The following PKHD1 variants were observed in gnomAD, a reference collection of about 807,000 sequenced individuals.
The protein encoded by PKHD1 is PKHD1 ciliary IPT domain containing fibrocystin/polyductin.
In PKHD1, 291 loss-of-function variants were observed where a neutral mutation model predicts 412.0. The observed-to-expected ratio is 0.71, with a 90% CI of 0.64 to 0.78. The LOEUF (loss-of-function observed/expected upper bound fraction) is 0.78. Among genes scored for constraint, PKHD1 ranks in the 30% least tolerant of loss-of-function variants. The pLI is 0.00. For missense variants in PKHD1, 4,825 were observed against 4,950.7 expected (o/e 0.97, Z 0.76); for synonymous variants, 1,777 against 1,821.5 (o/e 0.98, Z 0.62).
chr6:52,081,963 C>T (rs967206236), intron 4 of PKHD1, among the ~76,000 whole-genome samples: 9 of 152,070 alleles, frequency 5.9e-5, no homozygotes, highest in African/African-American at 1.9e-4. Context: ...AAAATATTTT[C>T]TAAATAGAGG....
At chr6:51,636,877 T>C (rs897751318) in intron 64 of PKHD1, among the ~76,000 whole-genome samples, 7 of 152,208 alleles carry the variant, frequency 4.6e-5, no homozygotes, top group African/African-American at 1.4e-4. Context: ...TTTAAACTTT[T>C]ATAAATCTCA....
chr6:51,758,978 G>T (rs1480237976), intron 55 of PKHD1, among the ~76,000 whole-genome samples: 2 of 152,110 alleles, frequency 1.3e-5, no homozygotes, highest in Non-Finnish European at 2.9e-5. Context: ...TTTGACCACA[G>T]GCTCAGAGTG....
intron 52 of PKHD1, 112 bp downstream of exon 52, chr6:51,830,749 G>A (rs1368028902): frequency 2.9e-6 from 3 of 1,018,244 alleles, no homozygotes; most frequent in Non-Finnish European, 4.6e-6. Flanking sequence ...AACAACATAA[G>A]TGCCTACTTA....
At chr6:51,671,115 T>C (rs1393441725) in intron 60 of PKHD1, among the ~76,000 whole-genome samples, 2 of 152,196 alleles carry the variant, frequency 1.3e-5, no homozygotes, top group Non-Finnish European at 2.9e-5. Context: ...ATTGGGGAAG[T>C]TCTCCTGGAT....
At chr6:51,689,643 A>G (rs564079468) in intron 60 of PKHD1, among the ~76,000 whole-genome samples, 1 of 152,370 alleles carries the variant, frequency 6.6e-6, no homozygotes, top group East Asian at 1.9e-4. Context: ...CAACTTCAGC[A>G]AAGTCTTGGG....
chr6:52,058,270 G>A, intron 16 of PKHD1, 53 bp downstream of exon 16: 1 of 1,590,848 alleles, frequency 6.3e-7, no homozygotes, highest in Non-Finnish European at 8.6e-7. Context: ...CTGCTACATG[G>A]GACTTTATTC....
In PKHD1 at chr6:51,992,864, G is replaced by A. The variant is rs552992989; in HGVS notation, c.5751+17445C>T. Among the ~76,000 whole-genome samples the A allele has an allele frequency of 2.0e-5, 3 of 152,340 alleles. No homozygotes were observed. In the South Asian group the frequency reaches 6.2e-4, roughly 32 times the overall value. On this transcript the variant is annotated intron_variant, in intron 35 of 66. Coordinates refer to ENST00000371117, the MANE Select transcript of PKHD1 (RefSeq NM_138694.4). The stretch of plus-strand genomic sequence containing the variant: ...CTGCTCCATTCCAGCTCTGGGTTAA[G>A]AAGGTACTACCTTCAGTATTGCTGG...
Position 51,942,770 on chromosome 6 carries a change from C to T in PKHD1, c.5909-8448G>A, listed in dbSNP as rs1395905412. The stretch of plus-strand genomic sequence containing the variant: ...TATGCTATAGTACAAGCCACTAGCC[C>T]GCCTCTTAGAACCTCTCATTTACTT... On this transcript the variant is annotated intron_variant, in intron 36 of 66. Transcript: ENST00000371117. Among the ~76,000 whole-genome samples, 12 of 151,650 alleles carry T rather than the reference C, an allele frequency of 7.9e-5. 1 individual carries two copies. Among genetic ancestry groups the T allele is most frequent in the Admixed American group, 4.6e-4 (7 of 15,216 alleles).
At chr6:51,979,523 T>C (rs1794875523) in intron 35 of PKHD1, among the ~76,000 whole-genome samples, 1 of 151,390 alleles carries the variant, frequency 6.6e-6, no homozygotes, top group Non-Finnish European at 1.5e-5. Flanking sequence ...CACTCATTCA[T>C]TCTCTCTCTG....
intron 60 of PKHD1, among the ~76,000 whole-genome samples, chr6:51,734,570 C>A (rs1340496558): frequency 6.6e-6 from 1 of 151,984 alleles, no homozygotes; most frequent in African/African-American, 2.4e-5. Context: ...TGGCGGTAAC[C>A]CACGAGAGGG....
chr6:51,969,441 C>G (rs1562014126), intron 35 of PKHD1, among the ~76,000 whole-genome samples: 1 of 152,146 alleles, frequency 6.6e-6, no homozygotes, highest in Non-Finnish European at 1.5e-5. Flanking sequence ...GGTACAAGTG[C>G]AGTTTTGTTA....
intron 19 of PKHD1, among the ~76,000 whole-genome samples, chr6:52,054,548 C>A (rs1185994781): frequency 6.6e-6 from 1 of 152,146 alleles, no homozygotes; most frequent in Non-Finnish European, 1.5e-5. Context: ...AGCCTCAGTT[C>A]CTCAACTCTA....
At position 52,066,068 on chromosome 6, in the gene PKHD1, G is replaced by C; in HGVS notation, c.788C>G (p.Ser263Cys). Residue 263 changes from serine to cysteine, a missense_variant, in exon 12 of 67, where the codon TCT (serine) becomes TGT (cysteine). Coordinates refer to ENST00000371117, the MANE Select transcript of PKHD1 (RefSeq NM_138694.4). ...FLYQTHSEILSVFPETGSLGG... is the reference protein window; with the variant it reads ...FLYQTHSEILCVFPETGSLGG... Reference sequence around the variant, plus strand: ...AAGGCTCCCAGTTTCTGGAAACACAGATAATATTTCTGCAAGAGTTAAAAA... The same window carrying C: ...AAGGCTCCCAGTTTCTGGAAACACACATAATATTTCTGCAAGAGTTAAAAA... The C allele has an allele frequency of 6.8e-7, 1 of 1,468,100 alleles. No individual in the cohort carries two copies. Among genetic ancestry groups the C allele is most frequent in the African/African-American group, 1.4e-5 (1 of 69,894 alleles). 90.9% of individuals were successfully genotyped at this position (1,468,100 alleles called of 1,614,324 possible). A position where few individuals can be genotyped will look rare whatever the true frequency, so the allele number is the denominator to read the frequency against.
intron 35 of PKHD1, among the ~76,000 whole-genome samples, chr6:51,984,774 A>C (rs1017144046): frequency 1.3e-5 from 2 of 152,222 alleles, no homozygotes; most frequent in African/African-American, 4.8e-5. Flanking sequence ...ATGGAGAGGA[A>C]ATCTCAGTTA....
At chr6:51,981,541 G>T (rs1429851576) in intron 35 of PKHD1, among the ~76,000 whole-genome samples, 4 of 151,188 alleles carry the variant, frequency 2.6e-5, no homozygotes, top group African/African-American at 4.8e-5. Context: ...CTGGTCTCCA[G>T]CTCCTAGCCG....
intron 27 of PKHD1, among the ~76,000 whole-genome samples, chr6:52,040,527 T>G (rs1355715820): frequency 6.6e-6 from 1 of 152,274 alleles, no homozygotes; most frequent in Non-Finnish European, 1.5e-5. Flanking sequence ...CTGAGTGAGC[T>G]GAGGGCCATT....
chr6:52,041,510 G>T (rs1324922657), intron 27 of PKHD1, among the ~76,000 whole-genome samples: 1 of 152,138 alleles, frequency 6.6e-6, no homozygotes, highest in Non-Finnish European at 1.5e-5. Flanking sequence ...TTAACTCATA[G>T]GTGGCAGGGC....
intron 3 of PKHD1, 35 bp downstream of exon 3, chr6:52,083,143 A>T: frequency 1.5e-6 from 2 of 1,343,306 alleles, no homozygotes; most frequent in Non-Finnish European, 2.1e-6. Context: ...GGGTCAATAC[A>T]TAAGAAATGT....
chr6:51,737,317 T>C (rs1257431765), intron 60 of PKHD1, among the ~76,000 whole-genome samples: 1 of 152,222 alleles, frequency 6.6e-6, no homozygotes, highest in African/African-American at 2.4e-5. Context: ...ATTTAAAACA[T>C]ACACTTAGTA....
Sources: allele counts gnomAD v4.1 joint callset (sites outside exome capture counted in the v4.1 genomes callset), GRCh38; gene constraint gnomAD v4.1.1; transcripts MANE v1.5; gene names NCBI Gene and HGNC (gene_info 2026-07-23, HGNC 2026-07-21).